Variants in RB1 observed in about 807,000 individuals in gnomAD.
RB1 encodes the protein retinoblastoma-associated protein.
Under a neutral mutation model 135.4 loss-of-function variants are expected in RB1, and 18 were observed. The observed-to-expected ratio is 0.13, with a 90% confidence interval of 0.09 to 0.20. RB1 has a LOEUF of 0.20. RB1 is among the 10% of genes least tolerant of loss of function. The pLI, the probability that RB1 is intolerant of heterozygous loss-of-function variation, is 1.00. For synonymous variants in RB1, 365 were observed against 373.2 expected (o/e 0.98, Z 0.25); for missense variants, 868 against 1,110.0 (o/e 0.78, Z 3.10).
intron 14 of RB1, among the ~76,000 whole-genome samples, 153 bp downstream of exon 14, chr13:48,379,803 T>C (rs1334754213): frequency 6.6e-6 from 1 of 151,670 alleles, no homozygotes; most frequent in Non-Finnish European, 1.5e-5. Flanking sequence ...CTACTAAAAG[T>C]ACAAAAATTA....
In RB1 at chr13:48,464,979, T is replaced by TTTTTTTTTTTTTC. The variant is rs1949428887; in HGVS notation, c.2212-16_2212-15insTTTTTTTTTCTTT. On this transcript the variant is annotated intron_variant, in intron 21 of 26. Transcript: ENST00000267163. ...TTTACTTTTTTTTTTTTTTTTTTTT[T>TTTTTTTTTTTTTC]TTTACTGTTCTTCCTCAGACATTCA... is the stretch of plus-strand genomic sequence containing the variant. 1 of 1,473,060 alleles carries TTTTTTTTTTTTTC rather than the reference T, an allele frequency of 6.8e-7. No homozygotes were observed. Among genetic ancestry groups the TTTTTTTTTTTTTC allele is most frequent in the African/African-American group, 1.5e-5 (1 of 68,690 alleles). The allele number at this position is 1,473,060 out of a possible 1,614,324, so 91.2% of individuals were successfully genotyped here.
chr13:48,473,831 A>C (rs909896424), intron 24 of RB1, among the ~76,000 whole-genome samples: 6 of 152,218 alleles, frequency 3.9e-5, no homozygotes, highest in African/African-American at 1.4e-4. Context: ...TCAGTCCCAC[A>C]AAAATGGTCT....
rs1340503453 is a variant in RB1 at position 48,348,947 on chromosome 13, G to C, written c.540-9G>C. 4 of 1,589,100 alleles carry C rather than the reference G, an allele frequency of 2.5e-6. No individual in the cohort carries two copies. In the East Asian group the frequency reaches 9.1e-5, roughly 36 times the overall value. Reference sequence around the variant, plus strand: ...CCTGTTTTTTTTCTGCTTTCTATTTGTTTAATAGGATATCTACTGAAATAA... The same window carrying C: ...CCTGTTTTTTTTCTGCTTTCTATTTCTTTAATAGGATATCTACTGAAATAA... On this transcript the variant is annotated splice_polypyrimidine_tract_variant and intron_variant, in intron 5 of 26. Coordinates refer to ENST00000267163, the MANE Select transcript of RB1 (RefSeq NM_000321.3).
chr13:48,473,461 A>T (rs2138354921), intron 24 of RB1, 71 bp downstream of exon 24: 1 of 1,356,350 alleles, frequency 7.4e-7, no homozygotes, highest in Non-Finnish European at 1.0e-6. Context: ...GCTTTCTATA[A>T]TTTGAATTTC....
intron 17 of RB1, among the ~76,000 whole-genome samples, chr13:48,393,281 C>T (rs1948624507): frequency 6.6e-6 from 1 of 152,224 alleles, no homozygotes; most frequent in Admixed American, 6.5e-5. Flanking sequence ...CTCTAGTATT[C>T]TGTCCTGCTA....
Position 48,316,933 on chromosome 13 carries a change from A to T in RB1, c.264+9527A>T, listed in dbSNP as rs377597097. ...CTGAAGTCACTGGCGTCACTAACCA[A>T]GGCGTGCCCGCCCAAGGTGCCCTGG... is the stretch of plus-strand genomic sequence containing the variant. On this transcript the variant is annotated intron_variant, in intron 2 of 26. Coordinates refer to ENST00000267163, the MANE Select transcript of RB1 (RefSeq NM_000321.3). 8.5e-5 allele frequency: 31 copies of T among 363,856 alleles called. 2 individuals carry two copies. Among genetic ancestry groups the T allele is most frequent in the African/African-American group, 6.2e-4 (29 of 46,590 alleles). The allele number at this position is 363,856 out of a possible 1,614,324, so 22.5% of individuals were successfully genotyped here.
At chr13:48,461,908 C>T (rs774137517) in intron 20 of RB1, among the ~76,000 whole-genome samples, 13 of 152,202 alleles carry the variant, frequency 8.5e-5, no homozygotes, top group East Asian at 1.9e-4. Context: ...TCTCGGCTCA[C>T]GGCAATCTTC....
chr13:48,422,886 A>G (rs1949027017), intron 17 of RB1: 1 of 152,192 alleles, frequency 6.6e-6, no homozygotes. Context: ...CACACCTATA[A>G]TCCCAACACT....
intron 13 of RB1, among the ~76,000 whole-genome samples, chr13:48,378,356 T>G (rs892087368): frequency 7.9e-5 from 12 of 152,138 alleles, no homozygotes; most frequent in Non-Finnish European, 1.5e-4. Flanking sequence ...TATTTAAAAA[T>G]TTTTTCAATT....
intron 2 of RB1, among the ~76,000 whole-genome samples, chr13:48,339,261 G>A (rs1952418124): frequency 6.6e-6 from 1 of 152,196 alleles, no homozygotes; most frequent in African/African-American, 2.4e-5. Context: ...GCTATGCCCT[G>A]CCCCCAGAGG....
chr13:48,319,058 G>A lies in RB1; in HGVS notation c.264+11652G>A. On this transcript the variant is annotated intron_variant, in intron 2 of 26. Coordinates refer to ENST00000267163, the MANE Select transcript of RB1 (RefSeq NM_000321.3). The surrounding 1 kb of genome is among the most constrained non-coding windows in gnomAD (Gnocchi z 5.0). The stretch of plus-strand genomic sequence containing the variant: ...TTCCGCGCGCGTCAGTTCAGCGGAC[G>A]TGTCTGCCTGGCACGAGGACCGTTC... 3.2e-6 allele frequency: 2 copies of A among 623,450 alleles called. No homozygotes were observed. The highest frequency in any genetic ancestry group is 7.1e-5 in the East Asian group (2 of 28,108). 38.6% of individuals were successfully genotyped at this position (623,450 alleles called of 1,614,324 possible).
chr13:48,440,176 C>T (rs1303278085), intron 17 of RB1, among the ~76,000 whole-genome samples: 2 of 152,046 alleles, frequency 1.3e-5, no homozygotes, highest in Admixed American at 6.5e-5. Context: ...TCCTTGGGGA[C>T]TCTGATATAT....
chr13:48,403,154 A>G (rs1235423210), intron 17 of RB1, among the ~76,000 whole-genome samples: 1 of 152,198 alleles, frequency 6.6e-6, no homozygotes, highest in Non-Finnish European at 1.5e-5. Context: ...ATGTAAAAAC[A>G]CTATTTTTTA....
intron 4 of RB1, among the ~76,000 whole-genome samples, chr13:48,346,968 C>G (rs879304499): frequency 6.9e-6 from 1 of 144,984 alleles, no homozygotes; most frequent in Non-Finnish European, 1.5e-5. Flanking sequence ...TTTTTTTTTT[C>G]TAGATATAGA....
chr13:48,365,008 T>C, intron 9 of RB1, 37 bp downstream of exon 9: 1 of 1,542,212 alleles, frequency 6.5e-7, no homozygotes, highest in Non-Finnish European at 8.8e-7. Context: ...TATTAATGTT[T>C]TGAGACTGTG....
chr13:48,438,439 G>T (rs1367028828), intron 17 of RB1, among the ~76,000 whole-genome samples: 3 of 152,070 alleles, frequency 2.0e-5, no homozygotes, highest in Non-Finnish European at 2.9e-5. Context: ...CTTCCAAGAA[G>T]TTTTCTCTAA....
At chr13:48,328,007 T>C (rs1952302683) in intron 2 of RB1, 2 of 672,478 alleles carry the variant, frequency 3.0e-6, no homozygotes, top group Non-Finnish European at 5.4e-6. Context: ...GGTAGTCTTA[T>C]ACCATTCTTA....
chr13:48,336,705 A>G (rs1051421002), intron 2 of RB1, among the ~76,000 whole-genome samples: 3 of 141,050 alleles, frequency 2.1e-5, no homozygotes, highest in Non-Finnish European at 3.1e-5. Context: ...CTCTGATCTT[A>G]GTTATTTCTT....
At chr13:48,453,174 A>G in intron 18 of RB1, 63 bp downstream of exon 18, 2 of 1,440,026 alleles carry the variant, frequency 1.4e-6, no homozygotes, top group Non-Finnish European at 1.9e-6. Flanking sequence ...CATAAGTGCA[A>G]TGTAACATTC....
Sources: allele counts gnomAD v4.1 joint callset (sites outside exome capture counted in the v4.1 genomes callset), GRCh38; gene constraint gnomAD v4.1.1; non-coding constraint Gnocchi (gnomAD v3.1); transcripts MANE v1.5; gene names NCBI Gene and HGNC (gene_info 2026-07-23, HGNC 2026-07-21).